The following ARMC8 variants were observed in gnomAD, a reference collection of about 807,000 sequenced individuals.
ARMC8 encodes armadillo repeat-containing protein 8.
A neutral mutation model predicts 99.3 loss-of-function variants in ARMC8; 20 were observed. The observed-to-expected ratio is 0.20, with a 90% CI of 0.14 to 0.29. The LOEUF (loss-of-function observed/expected upper bound fraction) is 0.29, where lower values mean the gene tolerates loss of function less well. ARMC8 is among the 10% of genes least tolerant of loss of function. The pLI, the probability that ARMC8 is intolerant of heterozygous loss-of-function variation, is 1.00. For synonymous variants in ARMC8, 263 were observed against 278.3 expected (o/e 0.95, Z 0.55); for missense variants, 569 against 809.5 (o/e 0.70, Z 3.60).
intron 18 of ARMC8, among the ~76,000 whole-genome samples, chr3:138,280,150 C>T (rs2049740730): frequency 6.6e-6 from 1 of 152,048 alleles, no homozygotes; most frequent in African/African-American, 2.4e-5. Flanking sequence ...CTGATCTGCC[C>T]ACCTCGGCCT....
At chr3:138,221,706 G>A (rs1178696266) in intron 2 of ARMC8, among the ~76,000 whole-genome samples, 1 of 151,972 alleles carries the variant, frequency 6.6e-6, no homozygotes, top group East Asian at 1.9e-4. Flanking sequence ...GAAGTCTTTC[G>A]CCAGTACTCA....
intron 21 of ARMC8, 72 bp from the exon 22 acceptor site, chr3:138,295,787 C>G: frequency 6.5e-7 from 1 of 1,546,628 alleles, no homozygotes; most frequent in African/African-American, 1.4e-5. Context: ...CAGCTATCAT[C>G]ATTGAACCAT....
chr3:138,231,894 C>T (rs953159437), intron 6 of ARMC8, among the ~76,000 whole-genome samples: 7 of 149,406 alleles, frequency 4.7e-5, no homozygotes, highest in African/African-American at 9.9e-5. Flanking sequence ...AATGAGAGAC[C>T]GATAAGTCTC....
chr3:138,278,828 T>G (rs947467460), intron 18 of ARMC8, among the ~76,000 whole-genome samples: 5 of 152,212 alleles, frequency 3.3e-5, no homozygotes, highest in Admixed American at 3.3e-4. Flanking sequence ...ATTTTATTTT[T>G]AAAATTTCGA....
intron 1 of ARMC8, among the ~76,000 whole-genome samples, chr3:138,206,154 CTTGA>C (rs2044361518): frequency 6.6e-6 from 1 of 152,160 alleles, no homozygotes; most frequent in Admixed American, 6.5e-5. Flanking sequence ...ATTGGAAATA[CTTGA>C]TTCATATTTA....
In ARMC8 at chr3:138,297,204, G is replaced by C. The variant is rs2051563296; in HGVS notation, c.*1312G>C. The C allele has an allele frequency of 6.6e-6, 1 of 152,156 alleles. No individual in the cohort carries two copies. Among genetic ancestry groups the C allele is most frequent in the South Asian group, 2.1e-4 (1 of 4,828 alleles). 9.4% of individuals were successfully genotyped at this position (152,156 alleles called of 1,614,324 possible). ...GCTAAAAGCACTCAAGTTGAGAGAG[G>C]GGCAAGGGAATCTCCCCAGGATGAC... On this transcript the variant is annotated 3_prime_UTR_variant, in exon 22 of 22. Transcript: ENST00000469044.
rs1559956671 is a variant in ARMC8, at chr3:138,228,956, C to G, written c.474C>G (p.Ser158Arg). The change falls in exon 6 of 22, where the codon AGC becomes AGG. Residue 158 changes from serine to arginine, a missense_variant. Physicochemically the swap from Ser to Arg is moderately radical, Grantham distance 110. Transcript: ENST00000469044. Reference protein sequence around the residue: ...TVIPHLMALLSRSRYTQEYIC... With the variant: ...TVIPHLMALLRRSRYTQEYIC... ...TACCACACCTCATGGCACTGCTTAG[C>G]AGGTCCCGCTATACCCAGGAGTACA... The G allele has an allele frequency of 6.2e-7, 1 of 1,609,788 alleles. No homozygotes were observed.
intron 1 of ARMC8, among the ~76,000 whole-genome samples, chr3:138,208,338 C>T (rs553299587): frequency 6.6e-5 from 10 of 152,100 alleles, no homozygotes; most frequent in Middle Eastern, 3.4e-3. Context: ...TGGTGGTGCG[C>T]GCCTGTAATC....
chr3:138,263,680 A>G lies in ARMC8; in HGVS notation c.1135-59A>G, dbSNP rs1320839354. 3 of 1,353,776 alleles carry G rather than the reference A, an allele frequency of 2.2e-6. No individual in the cohort carries two copies. In the African/African-American group the frequency reaches 4.3e-5, roughly 19 times the overall value. 83.9% of individuals were successfully genotyped at this position (1,353,776 alleles called of 1,614,324 possible). ...GGATGTTAACATACTTGCATTTACA[A>G]GCAGTGAAGTTTGTCACCTTCATGT... On this transcript the variant is annotated intron_variant, in intron 12 of 21. Coordinates refer to ENST00000469044, the MANE Select transcript of ARMC8 (RefSeq NM_001363941.2).
chr3:138,253,060 T>C (rs958429212), intron 12 of ARMC8, among the ~76,000 whole-genome samples: 4 of 152,064 alleles, frequency 2.6e-5, no homozygotes, highest in Non-Finnish European at 4.4e-5. Context: ...GTTCTGTGTA[T>C]TGGTTAGCAA....
At chr3:138,228,209 A>G (rs2045795502) in intron 5 of ARMC8, among the ~76,000 whole-genome samples, 1 of 152,166 alleles carries the variant, frequency 6.6e-6, no homozygotes. Context: ...CAAACTCCTT[A>G]CCTGAGGAGA....
At chr3:138,272,035 A>G (rs778634994) in intron 16 of ARMC8, among the ~76,000 whole-genome samples, 15 of 152,162 alleles carry the variant, frequency 9.9e-5, no homozygotes, top group Non-Finnish European at 1.9e-4. Flanking sequence ...TGTTTTCTTC[A>G]GACATGTATA....
intron 19 of ARMC8, among the ~76,000 whole-genome samples, chr3:138,285,171 T>C (rs988310846): frequency 2.6e-5 from 4 of 152,306 alleles, no homozygotes; most frequent in Admixed American, 2.6e-4. Context: ...TGTCCTTCAG[T>C]GATTCTCTAG....
In ARMC8 at chr3:138,274,527, A is replaced by G; in HGVS notation, c.1708A>G (p.Ile570Val). ...VTLILEGEHN[I>V]EVKEQTLCIL... ...TCTTATTCTAGAAGGGGAACATAAC[A>G]TTGAGGTCAAAGAGCAGGTACGTTG... Residue 570 changes from isoleucine (I) to valine (V), a missense_variant, in exon 18 of 22, where the codon ATT becomes GTT. Physicochemically the swap from Ile to Val is conservative, Grantham distance 29. Transcript: ENST00000469044. The G allele has an allele frequency of 2.5e-6, 4 of 1,612,676 alleles. No individual in the cohort carries two copies. The highest frequency in any genetic ancestry group is 3.4e-6 in the Non-Finnish European group (4 of 1,178,796).
chr3:138,223,647 C>T lies in ARMC8; in HGVS notation c.349C>T (p.Pro117Ser), dbSNP rs111530888. The T allele has an allele frequency of 5.0e-6, 8 of 1,614,112 alleles. No homozygotes were observed. The highest frequency in any genetic ancestry group is 5.1e-6 in the Non-Finnish European group (6 of 1,179,986). The change falls in exon 5 of 22, where the codon CCA (proline) becomes TCA (serine). Residue 117 changes from proline to serine, a missense_variant. Pro to Ser is a moderately conservative substitution (Grantham distance 74). This residue lies in a region of ARMC8 where 342 missense variants were observed against 391.6 expected (regional missense o/e 0.87). Transcript: ENST00000469044. ...ATTTCTGTTAATAGGACTACTGTCC[C>T]CAGACCTGAAGTTTATTGAAGCTTG... is the stretch of plus-strand genomic sequence containing the variant. ...IPALLQGLLS[P>S]DLKFIEACLR...
intron 1 of ARMC8, among the ~76,000 whole-genome samples, chr3:138,195,043 G>A (rs2043634694): frequency 6.6e-6 from 1 of 152,026 alleles, no homozygotes; most frequent in African/African-American, 2.4e-5. Flanking sequence ...GGGAGGCTTG[G>A]GCAGGTGGAT....
At chr3:138,232,668 A>T (rs1396909743) in intron 6 of ARMC8, among the ~76,000 whole-genome samples, 1 of 152,222 alleles carries the variant, frequency 6.6e-6, no homozygotes, top group African/African-American at 2.4e-5. Flanking sequence ...TTTTGTGCTG[A>T]TATGGATGAT....
intron 15 of ARMC8, among the ~76,000 whole-genome samples, chr3:138,267,748 A>C (rs894104794): frequency 3.9e-5 from 6 of 152,100 alleles, no homozygotes; most frequent in Non-Finnish European, 7.4e-5. Flanking sequence ...TCTTTTTTTT[A>C]ATAGGAAAAA....
chr3:138,253,075 C>G (rs75263048), intron 12 of ARMC8, among the ~76,000 whole-genome samples: 9,794 of 151,908 alleles, frequency 0.064, 1,059 homozygotes, highest in African/African-American at 0.22. Flanking sequence ...TAGCAAGGTT[C>G]TCTGAATAAG....
Sources: allele counts gnomAD v4.1 joint callset (sites outside exome capture counted in the v4.1 genomes callset), GRCh38; gene constraint gnomAD v4.1.1; regional missense constraint gnomAD v4.1.1; transcripts MANE v1.5; gene names NCBI Gene and HGNC (gene_info 2026-07-23, HGNC 2026-07-21).